The following OPA3 variants were observed in gnomAD, a reference collection of about 807,000 sequenced individuals.
The protein encoded by OPA3 is outer mitochondrial membrane lipid metabolism regulator OPA3.
In OPA3, 6 loss-of-function variants were observed where a neutral mutation model predicts 4.0. That is an observed-to-expected ratio of 1.51 (90% CI 0.83 to 2.99). The LOEUF (loss-of-function observed/expected upper bound fraction) is 2.99, where lower values mean the gene tolerates loss of function less well. OPA3 is among the 30% of genes most tolerant of loss of function. OPA3 has a pLI of 0.00. For missense variants in OPA3, 235 were observed against 256.2 expected, an observed-to-expected ratio of 0.92 and a Z score of 0.56; for synonymous variants, 105 against 117.1, an observed-to-expected ratio of 0.90 and a Z score of 0.67.
chr19:45,581,029 C>T (rs1969847583), intron 1 of OPA3, among the ~76,000 whole-genome samples: 1 of 152,166 alleles, frequency 6.6e-6, no homozygotes, highest in South Asian at 2.1e-4. Flanking sequence ...TCGCCTCTGG[C>T]ACAAATCTCT....
At chr19:45,539,859 A>T (rs751931173) in intron 1 of OPA3, among the ~76,000 whole-genome samples, 25 of 152,234 alleles carry the variant, frequency 1.6e-4, no homozygotes, top group Non-Finnish European at 3.1e-4. Context: ...TTAAGGCAGA[A>T]AGTAGATCAG....
At chr19:45,571,536 A>C (rs1969666988) in intron 1 of OPA3, among the ~76,000 whole-genome samples, 1 of 152,208 alleles carries the variant, frequency 6.6e-6, no homozygotes, top group Admixed American at 6.5e-5. Flanking sequence ...ATAGGAGAAC[A>C]TAATAATAAA....
chr19:45,550,409 AG>A lies in OPA3; in HGVS notation c.*3104del. ...TGGTGTGATCTGGGGCTGCTCTGAGAGGGGATAGAGAGGGTCTCCCACTATC... is the reference window on the plus strand; with the variant it reads ...TGGTGTGATCTGGGGCTGCTCTGAGAGGGATAGAGAGGGTCTCCCACTATC... On this transcript the variant is annotated 3_prime_UTR_variant, in exon 2 of 2. Coordinates refer to ENST00000263275, the MANE Select transcript of OPA3 (RefSeq NM_025136.4). The A allele has an allele frequency of 1.0e-6, 1 of 981,628 alleles. No homozygotes were observed. The allele number at this position is 981,628 out of a possible 1,614,324, so 60.8% of individuals were successfully genotyped here.
chr19:45,556,469 G>A (rs969771853), intron 1 of OPA3, among the ~76,000 whole-genome samples: 4 of 151,838 alleles, frequency 2.6e-5, no homozygotes, highest in Non-Finnish European at 4.4e-5. Flanking sequence ...CAATTCTCCT[G>A]CCTCAGCCTC....
intron 1 of OPA3, among the ~76,000 whole-genome samples, chr19:45,574,822 C>A (rs574163319): frequency 6.6e-6 from 1 of 152,172 alleles, no homozygotes; most frequent in Non-Finnish European, 1.5e-5. Flanking sequence ...GCAGCTTCTG[C>A]TTCTTCCCTC....
exon 2 of OPA3, chr19:45,529,046 C>T: frequency 6.3e-7 from 1 of 1,598,074 alleles, no homozygotes; most frequent in South Asian, 1.1e-5. Flanking sequence ...GACCAGGGCC[C>T]CGAGACCTCC....
At chr19:45,528,918 G>A (rs1008138542) in exon 2 of OPA3, 47 of 1,051,978 alleles carry the variant, frequency 4.5e-5, no homozygotes, top group Non-Finnish European at 5.8e-5. Context: ...CTCCAGCCCA[G>A]GATCTCTCCG....
At chr19:45,537,047 T>C (rs1264609452) in intron 1 of OPA3, among the ~76,000 whole-genome samples, 4 of 152,114 alleles carry the variant, frequency 2.6e-5, no homozygotes, top group South Asian at 2.1e-4. Flanking sequence ...CTGGGCAACA[T>C]GGTGAAACCC....
In OPA3 at chr19:45,529,222, A is replaced by ACCTCG; in HGVS notation, c.372_376dup (p.Val126AlafsTer92). On this transcript the variant is annotated frameshift_variant, in exon 2 of 2. Coordinates refer to the OPA3 transcript ENST00000323060. LOFTEE classifies it low-confidence loss of function (END_TRUNC). ...CTCGAGCGCCAGCCCCAAGTGGCCC[A>ACCTCG]CCTCGCCCCGCAGCGCCTCCCTGGC... 3.7e-6 allele frequency: 6 copies of ACCTCG among 1,612,524 alleles called. No individual in the cohort carries two copies. Among genetic ancestry groups the ACCTCG allele is most frequent in the Non-Finnish European group, 5.1e-6 (6 of 1,179,776 alleles).
chr19:45,561,445 G>A (rs1969501055), intron 1 of OPA3, among the ~76,000 whole-genome samples: 1 of 152,142 alleles, frequency 6.6e-6, no homozygotes, highest in Non-Finnish European at 1.5e-5. Flanking sequence ...TCCTCATAGG[G>A]TCCACTACTC....
downstream of OPA3, among the ~76,000 whole-genome samples, chr19:45,545,320 G>A (rs545808806): frequency 6.6e-6 from 1 of 152,124 alleles, no homozygotes; most frequent in East Asian, 1.9e-4. Flanking sequence ...CATGAGCCCA[G>A]GAGTTCCTGA....
chr19:45,572,267 AATAT>A lies in OPA3; in HGVS notation c.142+12352_142+12355del, dbSNP rs567973989. 1.2e-3 allele frequency among the ~76,000 whole-genome samples: 157 copies of A among 134,844 alleles called. 2 individuals are homozygous for A. The highest frequency in any genetic ancestry group is 3.9e-3 in the African/African-American group (152 of 38,872). The allele number at this position is 134,844 out of a possible 152,430, so 88.5% of individuals were successfully genotyped here. On this transcript the variant is annotated intron_variant, in intron 1 of 1. Transcript: ENST00000263275. ...ATATCTCATATAAATAAAAAATAAA[AATAT>A]ATATAGTATATATATCGATATATAT...
downstream of OPA3, among the ~76,000 whole-genome samples, chr19:45,545,664 C>T (rs1471405865): frequency 2.0e-5 from 3 of 151,256 alleles, no homozygotes; most frequent in East Asian, 3.9e-4. Flanking sequence ...AGGCAGCCCA[C>T]ATTATACAGG....
intron 1 of OPA3, among the ~76,000 whole-genome samples, chr19:45,562,347 AAAAAAAAAAAAAAAAAG>A (rs1969515645): frequency 1.2e-5 from 1 of 85,364 alleles, no homozygotes; most frequent in African/African-American, 5.3e-5. Context: ...CCATCTCAAA[AAAAAAAAAAAAAAAAAG>A]AAAAGAAAAA....
rs142391971 is a variant in OPA3, at chr19:45,576,789, T to C, written c.142+7834A>G. ...CTTATAAGGACCCCTGTGATCACAC[T>C]GACCTGACCTGCATAATTCAGGATC... On this transcript the variant is annotated intron_variant, in intron 1 of 1. Coordinates refer to ENST00000263275, the MANE Select transcript of OPA3 (RefSeq NM_025136.4). 5.3e-3 allele frequency among the ~76,000 whole-genome samples: 804 copies of C among 152,336 alleles called. 4 individuals are homozygous for C. Among genetic ancestry groups the C allele is most frequent in the Non-Finnish European group, 8.9e-3 (606 of 68,020 alleles).
rs1001569822 is a variant in OPA3 at position 45,547,268 on chromosome 19, G to A, written c.*6246C>T. On this transcript the variant is annotated 3_prime_UTR_variant, in exon 2 of 2. Transcript: ENST00000263275. ...TCTCCCCTCGCTTACTCTATTCCAG[G>A]GGATGGTAAACTTTTTCTGTAAAGG... 5.3e-5 allele frequency: 8 copies of A among 152,218 alleles called. No individual in the cohort carries two copies. The highest frequency in any genetic ancestry group is 1.9e-4 in the African/African-American group (8 of 41,446). 9.4% of individuals were successfully genotyped at this position (152,218 alleles called of 1,614,324 possible).
In OPA3 at chr19:45,553,826, T is replaced by TG. The variant is rs1466115591; in HGVS notation, c.227dup (p.Ala77SerfsTer2). 1.2e-6 allele frequency: 2 copies of TG among 1,613,000 alleles called. No individual in the cohort carries two copies. The highest frequency in any genetic ancestry group is 2.7e-5 in the African/African-American group (2 of 74,924). ...CCAGCAGCTCTGCGCCCAGCTCAGC[T>TG]GCCGCCTCCTCGTTCAGCGGCTTGA... is the stretch of plus-strand genomic sequence containing the variant. On this transcript the variant is annotated frameshift_variant, in exon 2 of 2. Coordinates refer to ENST00000263275, the MANE Select transcript of OPA3 (RefSeq NM_025136.4). LOFTEE classifies it low-confidence loss of function (END_TRUNC).
intron 1 of OPA3, among the ~76,000 whole-genome samples, chr19:45,559,494 C>T (rs537588593): frequency 6.1e-5 from 9 of 147,306 alleles, no homozygotes; most frequent in East Asian, 2.0e-4. Flanking sequence ...CTCCGCTTCC[C>T]GGGTTCAAGT....
intron 1 of OPA3, among the ~76,000 whole-genome samples, chr19:45,575,911 T>G (rs1428551328): frequency 6.6e-6 from 1 of 152,164 alleles, no homozygotes; most frequent in Non-Finnish European, 1.5e-5. Context: ...TGCCCTAAAT[T>G]TATTATTTTA....
Sources: gnomAD v4.1 joint callset for allele counts (sites outside exome capture counted in the v4.1 genomes callset) on GRCh38, gnomAD v4.1.1 for gene constraint, MANE v1.5 for transcripts, NCBI Gene and HGNC (gene_info 2026-07-23, HGNC 2026-07-21) for gene names.